FRMD4A: variants seen among roughly 807,000 people sequenced by gnomAD.
FRMD4A encodes the protein FERM domain containing 4A, also known as FERM domain-containing protein 4A.
FRMD4A carries 29 observed loss-of-function variants against 129.1 expected under a neutral mutation model. That is an observed-to-expected ratio of 0.22 (90% CI 0.17 to 0.31). FRMD4A has a LOEUF of 0.31. Ranked by LOEUF, FRMD4A falls within the 10% of genes least tolerant of loss-of-function variation. The probability of loss-of-function intolerance (pLI) is 1.00; values close to 1 mark genes in which losing one functional copy is unlikely to be tolerated. For missense variants in FRMD4A, 1,272 were observed against 1,375.8 expected (o/e 0.92, Z 1.19); for synonymous variants, 634 against 571.6 (o/e 1.11, Z -1.56).
intron 2 of FRMD4A, among the ~76,000 whole-genome samples, chr10:14,138,504 TA>T (rs1411517835): frequency 6.6e-6 from 1 of 151,652 alleles, no homozygotes; most frequent in East Asian, 2.0e-4. Context: ...CTCACACCTG[TA>T]ATCTCAGCAC....
intron 4 of FRMD4A, among the ~76,000 whole-genome samples, chr10:13,797,011 T>C (rs1323465791): frequency 6.6e-6 from 1 of 152,174 alleles, no homozygotes; most frequent in East Asian, 1.9e-4. Context: ...TGAGCCACTG[T>C]GCCCGGCCAC....
intron 2 of FRMD4A, among the ~76,000 whole-genome samples, chr10:14,290,608 A>C (rs1845821074): frequency 6.6e-6 from 1 of 152,114 alleles, no homozygotes; most frequent in South Asian, 2.1e-4. Context: ...ACTTAAGCAC[A>C]AGACCTAGAA....
chr10:14,261,487 A>G (rs1392165743), intron 2 of FRMD4A, among the ~76,000 whole-genome samples: 1 of 152,060 alleles, frequency 6.6e-6, no homozygotes, highest in Non-Finnish European at 1.5e-5. Context: ...TTCTCTGAGG[A>G]CTCAAATTAA....
intron 2 of FRMD4A, among the ~76,000 whole-genome samples, chr10:13,872,571 G>A (rs1160600582): frequency 2.0e-5 from 3 of 152,266 alleles, no homozygotes; most frequent in East Asian, 3.9e-4. Context: ...CAGCACATGC[G>A]TTCACGCAGA....
intron 14 of FRMD4A, among the ~76,000 whole-genome samples, chr10:13,698,655 T>C (rs1280406067): frequency 1.3e-5 from 2 of 152,204 alleles, no homozygotes; most frequent in Admixed American, 1.3e-4. Context: ...CTCAAGCAAT[T>C]TCACAAACGT....
chr10:13,648,036 G>C (rs1320835223), intron 24 of FRMD4A: 1 of 152,152 alleles, frequency 6.6e-6, no homozygotes, highest in Non-Finnish European at 1.5e-5. Context: ...TCACGATTGA[G>C]AATCATCAGT....
At chr10:14,216,648 G>A (rs568532891) in intron 2 of FRMD4A, among the ~76,000 whole-genome samples, 10 of 152,176 alleles carry the variant, frequency 6.6e-5, no homozygotes, top group East Asian at 3.9e-4. Flanking sequence ...GCAGCCACCC[G>A]TTCGCCAGCA....
intron 8 of FRMD4A, among the ~76,000 whole-genome samples, chr10:13,751,907 C>T (rs80009938): frequency 0.013 from 2,029 of 152,050 alleles, 83 homozygotes; most frequent in South Asian, 0.12. Context: ...TCCCAGCTAT[C>T]TGGGAGGCTA....
At chr10:14,227,243 C>CTTTTTTTTTTTTTTTTTCTTT (rs1843472907) in intron 2 of FRMD4A, among the ~76,000 whole-genome samples, 1 of 64,100 alleles carries the variant, frequency 1.6e-5, no homozygotes, top group African/African-American at 6.2e-5. Flanking sequence ...TCTTCTTCTT[C>CTTTTTTTTTTTTTTTTTCTTT]TTTTTTTTTT....
intron 2 of FRMD4A, among the ~76,000 whole-genome samples, chr10:14,312,569 A>G (rs1446111403): frequency 6.6e-6 from 1 of 152,372 alleles, no homozygotes; most frequent in Middle Eastern, 3.4e-3. Flanking sequence ...AGGATAGTTT[A>G]TAATTATAAA....
intron 2 of FRMD4A, among the ~76,000 whole-genome samples, chr10:14,104,209 G>A (rs947195926): frequency 3.6e-4 from 55 of 151,684 alleles, no homozygotes; most frequent in Non-Finnish European, 2.1e-4. Context: ...GTGCCATGGG[G>A]GTTACACTGC....
chr10:14,181,239 G>A (rs918679542), intron 2 of FRMD4A, among the ~76,000 whole-genome samples: 4 of 152,214 alleles, frequency 2.6e-5, no homozygotes, highest in African/African-American at 9.7e-5. Flanking sequence ...AAAGAGCAGA[G>A]TGACATTATT....
intron 12 of FRMD4A, among the ~76,000 whole-genome samples, chr10:13,726,173 CTGAGGTGGGAGGA>C (rs1336272412): frequency 1.3e-5 from 2 of 152,190 alleles, no homozygotes; most frequent in East Asian, 3.9e-4. Flanking sequence ...ACTAGGGAGG[CTGAGGTGGGAGGA>C]TTGCTTGAGC....
At position 14,041,824 on chromosome 10, in the gene FRMD4A, AT is replaced by A. The variant is rs202041609; in HGVS notation, c.46-182913del. Among the ~76,000 whole-genome samples, 7 of 152,336 alleles carry A rather than the reference AT, an allele frequency of 4.6e-5. No homozygotes were observed. The East Asian group carries it at 5.8e-4, about 13-fold the overall frequency. ...AGAAGCTAGACACAAACAAATATGA[AT>A]TGTGTCTTTATGTTTATATAAGGTT... On this transcript the variant is annotated intron_variant, in intron 2 of 24. Coordinates refer to ENST00000357447, the MANE Select transcript of FRMD4A (RefSeq NM_018027.5).
At chr10:14,139,392 A>C (rs971460477) in intron 2 of FRMD4A, among the ~76,000 whole-genome samples, 10 of 152,158 alleles carry the variant, frequency 6.6e-5, no homozygotes, top group Non-Finnish European at 1.3e-4. Context: ...GTCCTTATCT[A>C]TATTGAACAT....
At chr10:13,869,550 G>C (rs1434211423) in intron 2 of FRMD4A, among the ~76,000 whole-genome samples, 2 of 152,248 alleles carry the variant, frequency 1.3e-5, no homozygotes, top group Non-Finnish European at 2.9e-5. Context: ...GCTGAAAGAC[G>C]CAATGGCATG....
chr10:14,253,707 G>T (rs1274270510), intron 2 of FRMD4A, among the ~76,000 whole-genome samples: 2 of 152,184 alleles, frequency 1.3e-5, no homozygotes, highest in Non-Finnish European at 2.9e-5. Flanking sequence ...AGGGAATAGA[G>T]AACATGGTCC....
intron 8 of FRMD4A, 145 bp from the exon 9 acceptor site, chr10:13,747,964 T>A (rs1205030817): frequency 3.2e-6 from 2 of 634,154 alleles, no homozygotes; most frequent in Non-Finnish European, 5.7e-6. Context: ...GGGCGCTCTC[T>A]TTTTATTTCC....
chr10:14,138,853 C>G (rs1440190026), intron 2 of FRMD4A, among the ~76,000 whole-genome samples: 1 of 152,148 alleles, frequency 6.6e-6, no homozygotes, highest in African/African-American at 2.4e-5. Context: ...AGGGCAACTG[C>G]TGAGATAAGC....
Sources: gnomAD v4.1 joint callset for allele counts (sites outside exome capture counted in the v4.1 genomes callset) on GRCh38, gnomAD v4.1.1 for gene constraint, MANE v1.5 for transcripts, NCBI Gene and HGNC (gene_info 2026-07-23, HGNC 2026-07-21) for gene names.